The following NLGN1 variants were observed in gnomAD, a reference collection of about 807,000 sequenced individuals.
NLGN1 encodes neuroligin-1.
Under a neutral mutation model 65.5 loss-of-function variants are expected in NLGN1, and 12 were observed. The observed-to-expected ratio is 0.18, with a 90% CI of 0.12 to 0.30. The LOEUF (loss-of-function observed/expected upper bound fraction) is 0.30, where lower values mean the gene tolerates loss of function less well. NLGN1 is among the 10% of genes least tolerant of loss of function. NLGN1 has a pLI of 1.00. For synonymous variants in NLGN1, 350 were observed against 359.5 expected, an observed-to-expected ratio of 0.97 and a Z score of 0.30; for missense variants, 750 against 1,007.1, an observed-to-expected ratio of 0.74 and a Z score of 3.46.
chr3:174,165,363 G>A (rs943041315), intron 4 of NLGN1, among the ~76,000 whole-genome samples: 8 of 151,694 alleles, frequency 5.3e-5, no homozygotes, highest in African/African-American at 1.7e-4. Context: ...CTTATTTTGC[G>A]GTATGTTCCT....
chr3:173,934,555 A>C (rs1295450246), intron 4 of NLGN1, among the ~76,000 whole-genome samples: 1 of 151,968 alleles, frequency 6.6e-6, no homozygotes, highest in Non-Finnish European at 1.5e-5. Flanking sequence ...GTAAATATAC[A>C]CTTATCATTG....
chr3:173,657,674 G>T (rs559822743), intron 3 of NLGN1, among the ~76,000 whole-genome samples: 1 of 151,752 alleles, frequency 6.6e-6, no homozygotes, highest in Non-Finnish European at 1.5e-5. Context: ...CATATATTTT[G>T]CCCTCAGCTA....
rs141405568 is a variant in NLGN1, at chr3:173,399,403, C to A, written c.-390+916C>A. On this transcript the variant is annotated intron_variant, in intron 1 of 6. Transcript: ENST00000457714. ...TCCCATTGTCTCCCTTCTTCCACCC[C>A]CAAAGTACTTGCTGTCAATCTTTTC... Among the ~76,000 whole-genome samples, 1,205 of 152,296 alleles carry A rather than the reference C, an allele frequency of 7.9e-3. 10 individuals carry two copies. Among genetic ancestry groups the A allele is most frequent in the Admixed American group, 0.012 (188 of 15,300 alleles).
intron 4 of NLGN1, among the ~76,000 whole-genome samples, chr3:173,809,017 T>C (rs912322861): frequency 4.6e-5 from 7 of 152,184 alleles, no homozygotes; most frequent in African/African-American, 7.2e-5. Context: ...AGGAGACATT[T>C]TACCAATGTG....
At chr3:173,434,021 G>A (rs145986690) in intron 1 of NLGN1, among the ~76,000 whole-genome samples, 17 of 152,210 alleles carry the variant, frequency 1.1e-4, no homozygotes, top group Non-Finnish European at 2.2e-4. Context: ...TGCTATTTAA[G>A]CTTAGATTCT....
In NLGN1 at chr3:174,279,683, T is replaced by A. The variant is rs73882746; in HGVS notation, c.1649+33T>A. 1.1e-3 allele frequency: 1,475 copies of A among 1,301,908 alleles called. 10 individuals are homozygous for A. The African/African-American group carries it at 0.02, about 17-fold the overall frequency. 80.6% of individuals were successfully genotyped at this position (1,301,908 alleles called of 1,614,324 possible). On this transcript the variant is annotated intron_variant, in intron 6 of 6. Transcript: ENST00000457714. This position sits in a 1 kb window ranked among gnomAD's most constrained non-coding sequence, Gnocchi z 4.7. ...CCTAAGGAATGAAGTTTATTTTTAA[T>A]AAAAATGTTATTTTAACCATTTTAA...
intron 3 of NLGN1, among the ~76,000 whole-genome samples, chr3:173,716,902 TG>T (rs969751964): frequency 6.6e-6 from 1 of 151,846 alleles, no homozygotes. Context: ...ACTGAAGGGG[TG>T]GGGGGTCTGC....
chr3:174,257,160 C>T (rs1227623354), intron 4 of NLGN1, among the ~76,000 whole-genome samples: 1 of 152,160 alleles, frequency 6.6e-6, no homozygotes, highest in East Asian at 1.9e-4. Context: ...TAAAAAAGCT[C>T]ATCATCACTG....
rs571681141 is a variant in NLGN1 at position 174,255,421 on chromosome 3, G to A, written c.647-19894G>A. Among the ~76,000 whole-genome samples, 623 of 102,876 alleles carry A rather than the reference G, an allele frequency of 6.1e-3. 1 individual carries two copies. Among genetic ancestry groups the A allele is most frequent in the Non-Finnish European group, 8.4e-3 (504 of 60,114 alleles). The allele number at this position is 102,876 out of a possible 152,430, so 67.5% of individuals were successfully genotyped here. ...ACTGCACTCCAGCCTAGGCGATAGA[G>A]CAAGACTCTGTCTCAAAAAAAAAAA... On this transcript the variant is annotated intron_variant, in intron 4 of 6. Transcript: ENST00000457714.
At chr3:173,414,074 C>T (rs1237422595) in intron 1 of NLGN1, among the ~76,000 whole-genome samples, 1 of 152,082 alleles carries the variant, frequency 6.6e-6, no homozygotes, top group Non-Finnish European at 1.5e-5. Context: ...TTCATACTTA[C>T]ATTGTATTAG....
intron 3 of NLGN1, among the ~76,000 whole-genome samples, chr3:173,655,580 A>G (rs1278644586): frequency 6.6e-6 from 1 of 152,018 alleles, no homozygotes; most frequent in Non-Finnish European, 1.5e-5. Flanking sequence ...GAAAAAAAAA[A>G]TCTACCACTT....
chr3:173,747,797 TGTTC>T (rs1775710992), intron 3 of NLGN1, among the ~76,000 whole-genome samples: 1 of 80,072 alleles, frequency 1.2e-5, no homozygotes, highest in African/African-American at 4.3e-5. Flanking sequence ...TTCTTCTTCT[TGTTC>T]TTTTTTTTTT....
At chr3:173,495,680 GA>G (rs5854510) in intron 2 of NLGN1, among the ~76,000 whole-genome samples, 23,121 of 130,268 alleles carry the variant, frequency 0.18, 2,020 homozygotes, top group South Asian at 0.23. Context: ...AGTCTTTTTT[GA>G]AAAAAAAAAA....
intron 1 of NLGN1, among the ~76,000 whole-genome samples, chr3:173,407,710 A>G (rs1169436008): frequency 1.3e-5 from 2 of 152,226 alleles, no homozygotes; most frequent in Non-Finnish European, 2.9e-5. Flanking sequence ...CAGCAGGGGC[A>G]GTTGGCCATT....
chr3:173,998,569 A>G (rs538122463), intron 4 of NLGN1, among the ~76,000 whole-genome samples: 20 of 152,326 alleles, frequency 1.3e-4, no homozygotes, highest in Admixed American at 1.3e-3. Flanking sequence ...TTCCTTGCCC[A>G]CTAGGAATTT....
At chr3:173,419,020 C>CTTTTTTTTTTTTTTTTTTTTTTTTTT (rs59051811) in intron 1 of NLGN1, among the ~76,000 whole-genome samples, 2 of 12,264 alleles carry the variant, frequency 1.6e-4, no homozygotes, top group African/African-American at 3.4e-4. Context: ...TCTTCTTCTT[C>CTTTTTTTTTTTTTTTTTTTTTTTTTT]TTTTTTTTTT....
chr3:173,437,075 A>G (rs1275195549), intron 2 of NLGN1, among the ~76,000 whole-genome samples: 1 of 152,258 alleles, frequency 6.6e-6, no homozygotes, highest in South Asian at 2.1e-4. Context: ...AGCAATAAGA[A>G]GCACTACATA....
chr3:174,152,781 A>C (rs1441677773), intron 4 of NLGN1, among the ~76,000 whole-genome samples: 1 of 152,098 alleles, frequency 6.6e-6, no homozygotes, highest in Admixed American at 6.6e-5. Context: ...ATGTGGAAAC[A>C]TTTTTTATTT....
intron 4 of NLGN1, among the ~76,000 whole-genome samples, chr3:174,162,403 C>G (rs1356303620): frequency 6.6e-6 from 1 of 151,850 alleles, no homozygotes; most frequent in East Asian, 1.9e-4. Context: ...ACTATAACCT[C>G]TCACTAATCA....
Sources: allele counts gnomAD v4.1 joint callset (sites outside exome capture counted in the v4.1 genomes callset), GRCh38; gene constraint gnomAD v4.1.1; non-coding constraint Gnocchi (gnomAD v3.1); transcripts MANE v1.5; gene names NCBI Gene and HGNC (gene_info 2026-07-23, HGNC 2026-07-21).